Variants in MAGI2 observed in about 807,000 individuals in gnomAD.
MAGI2 encodes the protein membrane associated guanylate kinase, WW and PDZ domain containing 2, also known as membrane-associated guanylate kinase, WW and PDZ domain-containing protein 2.
In MAGI2, 35 loss-of-function variants were observed where a neutral mutation model predicts 133.3. The ratio of observed to expected loss-of-function variants is 0.26; its 90% CI spans 0.20 to 0.35. The LOEUF is 0.35. Ranked by LOEUF, MAGI2 falls within the 10% of genes least tolerant of loss-of-function variation. MAGI2 has a pLI of 1.00. For synonymous variants in MAGI2, 729 were observed against 710.6 expected, an observed-to-expected ratio of 1.03 and a Z score of -0.41; for missense variants, 1,636 against 1,863.4, an observed-to-expected ratio of 0.88 and a Z score of 2.25.
intron 6 of MAGI2, among the ~76,000 whole-genome samples, chr7:78,419,083 A>G (rs565933534): frequency 3.7e-4 from 57 of 152,262 alleles, no homozygotes; most frequent in Non-Finnish European, 6.5e-4. Flanking sequence ...TCAGAAGGTG[A>G]ATTACTGCAT....
At chr7:78,798,012 T>C (rs570355583) in intron 2 of MAGI2, among the ~76,000 whole-genome samples, 2 of 152,288 alleles carry the variant, frequency 1.3e-5, no homozygotes, top group Non-Finnish European at 2.9e-5. Context: ...AGTGCTTGTT[T>C]TATTATTTCT....
chr7:78,335,174 G>A (rs1166958352), intron 9 of MAGI2, among the ~76,000 whole-genome samples: 2 of 152,086 alleles, frequency 1.3e-5, no homozygotes, highest in African/African-American at 4.8e-5. Context: ...TGCTGATTTC[G>A]GTTCTAGTGT....
chr7:78,183,783 G>A (rs1462379859), intron 13 of MAGI2, among the ~76,000 whole-genome samples: 1 of 152,048 alleles, frequency 6.6e-6, no homozygotes, highest in Non-Finnish European at 1.5e-5. Context: ...GTCTAGGTTG[G>A]TTTTGAACTC....
At chr7:79,223,557 G>C (rs1830620181) in intron 1 of MAGI2, among the ~76,000 whole-genome samples, 1 of 151,978 alleles carries the variant, frequency 6.6e-6, no homozygotes, top group African/African-American at 2.4e-5. Flanking sequence ...GCCAGGTGCA[G>C]TGGTTCACGC....
At chr7:78,571,676 T>A (rs1349980400) in intron 3 of MAGI2, among the ~76,000 whole-genome samples, 1 of 151,844 alleles carries the variant, frequency 6.6e-6, no homozygotes, top group Non-Finnish European at 1.5e-5. Context: ...GGTTTGATCA[T>A]GGAAATAACA....
chr7:78,772,627 C>T (rs530509007), intron 2 of MAGI2, among the ~76,000 whole-genome samples: 77 of 152,316 alleles, frequency 5.1e-4, no homozygotes, highest in African/African-American at 1.8e-3. Context: ...TCCATCAACA[C>T]CTAAAATGAA....
intron 21 of MAGI2, among the ~76,000 whole-genome samples, chr7:78,024,570 C>T (rs1808733326): frequency 6.6e-6 from 1 of 152,188 alleles, no homozygotes; most frequent in African/African-American, 2.4e-5. Flanking sequence ...ACTTATTAGT[C>T]TTATCTTCAA....
chr7:78,359,004 A>G (rs995935039), intron 7 of MAGI2: 6 of 152,526 alleles, frequency 3.9e-5, no homozygotes, highest in African/African-American at 1.2e-4. Context: ...AAGGGCAGCA[A>G]TATAGGTGCC....
intron 1 of MAGI2, among the ~76,000 whole-genome samples, chr7:79,332,441 T>C (rs552234914): frequency 6.6e-6 from 1 of 152,214 alleles, no homozygotes; most frequent in Non-Finnish European, 1.5e-5. Flanking sequence ...AACTCCCTAA[T>C]TCTTCAATAG....
intron 9 of MAGI2, among the ~76,000 whole-genome samples, chr7:78,342,185 A>C (rs1790451280): frequency 6.6e-6 from 1 of 152,210 alleles, no homozygotes; most frequent in Admixed American, 6.5e-5. Flanking sequence ...ACATTTGTGC[A>C]GTCAACAAAC....
chr7:79,236,720 T>G (rs536465544), intron 1 of MAGI2, among the ~76,000 whole-genome samples: 1 of 152,370 alleles, frequency 6.6e-6, no homozygotes, highest in African/African-American at 2.4e-5. Context: ...AACATTTTAA[T>G]ATCATTGATT....
chr7:78,338,433 CCCTTT>C (rs1325983625), intron 9 of MAGI2, among the ~76,000 whole-genome samples: 9 of 152,172 alleles, frequency 5.9e-5, no homozygotes, highest in Non-Finnish European at 1.0e-4. Flanking sequence ...AACGGATTCC[CCCTTT>C]CCTGTGTACT....
At chr7:78,791,540 T>TC (rs1174069059) in intron 2 of MAGI2, among the ~76,000 whole-genome samples, 18 of 148,538 alleles carry the variant, frequency 1.2e-4, no homozygotes, top group African/African-American at 4.6e-4. Context: ...TGAGAAACAA[T>TC]CTTTTTTTTT....
intron 10 of MAGI2, among the ~76,000 whole-genome samples, chr7:78,242,986 C>T (rs567359909): frequency 5.9e-5 from 9 of 152,106 alleles, no homozygotes; most frequent in South Asian, 2.1e-4. Context: ...GTGGGGGGAT[C>T]GCTTGAGCCC....
chr7:78,233,117 A>G (rs1370936652), intron 10 of MAGI2, among the ~76,000 whole-genome samples: 2 of 152,196 alleles, frequency 1.3e-5, no homozygotes, highest in African/African-American at 2.4e-5. Flanking sequence ...GAGGCCATGG[A>G]GAACCATGGA....
chr7:79,424,762 A>G (rs956669478), intron 1 of MAGI2, among the ~76,000 whole-genome samples: 1 of 152,216 alleles, frequency 6.6e-6, no homozygotes, highest in African/African-American at 2.4e-5. Flanking sequence ...TTCACTCAGA[A>G]GGGAATTTTA....
chr7:78,277,478 G>A (rs542344855), intron 9 of MAGI2, among the ~76,000 whole-genome samples: 1 of 152,252 alleles, frequency 6.6e-6, no homozygotes, highest in African/African-American at 2.4e-5. Flanking sequence ...CAAAAAATTA[G>A]TAACATTTCA....
At chr7:78,561,248 G>C (rs895243971) in intron 3 of MAGI2, among the ~76,000 whole-genome samples, 1 of 152,156 alleles carries the variant, frequency 6.6e-6, no homozygotes, top group Non-Finnish European at 1.5e-5. Context: ...TCACGAGACA[G>C]ATGAATTAGT....
At position 78,309,791 on chromosome 7, in the gene MAGI2, A is replaced by G. The variant is rs554500446; in HGVS notation, c.1408+33987T>C. 2.4e-4 allele frequency among the ~76,000 whole-genome samples: 37 copies of G among 152,340 alleles called. 1 individual carries two copies. In the South Asian group the frequency reaches 2.7e-3, roughly 11 times the overall value. On this transcript the variant is annotated intron_variant, in intron 9 of 21. Transcript: ENST00000354212. ...TCTGGCTTTCCGGCTTCCTGGCTGC[A>G]TGATCTCTGATAAGCTGCTTAACCT...
Sources: gnomAD v4.1 joint callset for allele counts (sites outside exome capture counted in the v4.1 genomes callset) on GRCh38, gnomAD v4.1.1 for gene constraint, MANE v1.5 for transcripts, NCBI Gene and HGNC (gene_info 2026-07-23, HGNC 2026-07-21) for gene names.